Variants in PCDH15 observed in about 807,000 individuals in gnomAD.
PCDH15 encodes the protein protocadherin-15.
Under a neutral mutation model 178.5 loss-of-function variants are expected in PCDH15, and 129 were observed. The observed-to-expected ratio is 0.72, with a 90% CI of 0.63 to 0.84. The LOEUF is 0.84. PCDH15 is among the 40% of genes least tolerant of loss of function. The pLI, the probability that PCDH15 is intolerant of heterozygous loss-of-function variation, is 0.00. For missense variants in PCDH15, 2,230 were observed against 2,099.9 expected (o/e 1.06, Z -1.21); for synonymous variants, 800 against 732.0 (o/e 1.09, Z -1.50).
intron 1 of PCDH15, among the ~76,000 whole-genome samples, chr10:55,257,030 C>G (rs1313190524): frequency 6.6e-6 from 1 of 152,140 alleles, no homozygotes; most frequent in Non-Finnish European, 1.5e-5. Flanking sequence ...ACAAAACTTC[C>G]AGAGGAATGA....
At chr10:54,924,576 C>T (rs1733788) in intron 2 of PCDH15, among the ~76,000 whole-genome samples, 24,017 of 149,728 alleles carry the variant, frequency 0.16, 5,855 homozygotes, top group Middle Eastern at 0.27. Context: ...TATAAGTGTT[C>T]TTTTTTCTCC....
At chr10:54,920,176 A>T (rs917939152) in intron 2 of PCDH15, among the ~76,000 whole-genome samples, 1 of 152,138 alleles carries the variant, frequency 6.6e-6, no homozygotes, top group Non-Finnish European at 1.5e-5. Flanking sequence ...ACAATGAAAA[A>T]CAAAAATTTC....
At chr10:54,794,475 G>GT (rs1299331051) in intron 1 of PCDH15, among the ~76,000 whole-genome samples, 1 of 151,712 alleles carries the variant, frequency 6.6e-6, no homozygotes, top group Admixed American at 6.6e-5. Flanking sequence ...TGCCTGAAAT[G>GT]TTTGCTGTCA....
chr10:53,810,371 C>G (rs1012866176), intron 37 of PCDH15, among the ~76,000 whole-genome samples, 185 bp downstream of exon 37: 3 of 152,006 alleles, frequency 2.0e-5, no homozygotes, highest in African/African-American at 7.2e-5. Context: ...ATTAAATGAT[C>G]AAGAATTAAT....
intron 1 of PCDH15, among the ~76,000 whole-genome samples, chr10:54,783,818 T>C (rs773427838): frequency 1.3e-5 from 2 of 152,098 alleles, no homozygotes; most frequent in Non-Finnish European, 2.9e-5. Context: ...ACTCAAGTGA[T>C]GGGTGCACTA....
At chr10:55,248,651 A>G (rs1391722256) in intron 1 of PCDH15, among the ~76,000 whole-genome samples, 2 of 152,044 alleles carry the variant, frequency 1.3e-5, no homozygotes, top group African/African-American at 2.4e-5. Flanking sequence ...ACCTCCACGT[A>G]GTTCTAGTGA....
chr10:55,428,226 G>A (rs968900436), intron 2 of PCDH15, among the ~76,000 whole-genome samples: 3 of 151,760 alleles, frequency 2.0e-5, no homozygotes, highest in African/African-American at 7.3e-5. Flanking sequence ...TTAATAATTT[G>A]TCATCTACCT....
intron 8 of PCDH15, among the ~76,000 whole-genome samples, chr10:54,306,999 AATATATATATATATAC>A (rs1564920801): frequency 0.011 from 1,142 of 99,526 alleles, 69 homozygotes; most frequent in Non-Finnish European, 0.019. Context: ...TTTGAAATTA[AATATATATATATATAC>A]ATATATATAT....
At chr10:53,987,259 G>C (rs185530204) in intron 21 of PCDH15, among the ~76,000 whole-genome samples, 17 of 151,908 alleles carry the variant, frequency 1.1e-4, no homozygotes, top group African/African-American at 4.1e-4. Context: ...TAGCTTTAAA[G>C]GGAAAAACTT....
chr10:54,635,899 AAC>A (rs2134807456), intron 2 of PCDH15, among the ~76,000 whole-genome samples: 1 of 152,002 alleles, frequency 6.6e-6, no homozygotes, highest in South Asian at 2.1e-4. Flanking sequence ...GAAAAACAAA[AAC>A]ACAGAAGTAT....
intron 25 of PCDH15, among the ~76,000 whole-genome samples, chr10:53,925,688 A>G (rs1020979785): frequency 2.6e-5 from 4 of 152,026 alleles, no homozygotes; most frequent in African/African-American, 9.7e-5. Context: ...TTATTTCCAT[A>G]TTTCCTTTAT....
chr10:55,465,143 G>C (rs190126171), intron 2 of PCDH15, among the ~76,000 whole-genome samples: 77 of 152,254 alleles, frequency 5.1e-4, no homozygotes, highest in Non-Finnish European at 8.4e-4. Context: ...CACAGAGACT[G>C]ATTTTAGGAA....
intron 3 of PCDH15, among the ~76,000 whole-genome samples, chr10:54,874,558 A>T (rs1207662782): frequency 2.0e-5 from 3 of 152,164 alleles, no homozygotes; most frequent in Non-Finnish European, 4.4e-5. Context: ...AAAATTGACA[A>T]ATGGGGTCTA....
intron 1 of PCDH15, among the ~76,000 whole-genome samples, chr10:54,701,685 A>C (rs1243785824): frequency 6.6e-6 from 1 of 152,180 alleles, no homozygotes; most frequent in African/African-American, 2.4e-5. Context: ...GTTTAAACAC[A>C]CAAGCAATTA....
At chr10:55,053,832 C>G (rs1194426455) in intron 2 of PCDH15, among the ~76,000 whole-genome samples, 3 of 152,134 alleles carry the variant, frequency 2.0e-5, no homozygotes, top group Non-Finnish European at 2.9e-5. Context: ...AGATGTTCAA[C>G]AATTTCAAAT....
chr10:55,066,831 A>C (rs1225225392), intron 2 of PCDH15, among the ~76,000 whole-genome samples: 1 of 151,322 alleles, frequency 6.6e-6, no homozygotes, highest in African/African-American at 2.4e-5. Context: ...TTGTGAGTGA[A>C]TAAAGTTCTA....
At chr10:55,109,118 C>CT (rs1837431215) in intron 2 of PCDH15, among the ~76,000 whole-genome samples, 2 of 152,262 alleles carry the variant, frequency 1.3e-5, no homozygotes, top group Admixed American at 1.3e-4. Context: ...ACTTTATGCC[C>CT]AGTGAGTGAG....
At chr10:55,626,519 C>T (rs147544699) in intron 2 of PCDH15, among the ~76,000 whole-genome samples, 1,544 of 152,206 alleles carry the variant, frequency 0.01, 37 homozygotes, top group African/African-American at 0.036. Context: ...ATATGAAATT[C>T]CAGGCACTGA....
chr10:54,993,340 G>A (rs576834714), intron 2 of PCDH15, among the ~76,000 whole-genome samples: 2 of 152,278 alleles, frequency 1.3e-5, no homozygotes, highest in South Asian at 2.1e-4. Flanking sequence ...GAGAGTACAG[G>A]TAGGTCATCT....
Sources: gnomAD v4.1 joint callset for allele counts (sites outside exome capture counted in the v4.1 genomes callset) on GRCh38, gnomAD v4.1.1 for gene constraint, MANE v1.5 for transcripts, NCBI Gene and HGNC (gene_info 2026-07-23, HGNC 2026-07-21) for gene names.